STX18: variants seen among roughly 807,000 people sequenced by gnomAD.
STX18 encodes syntaxin-18.
In STX18, 40 loss-of-function variants were observed where a neutral mutation model predicts 50.1. That is an observed-to-expected ratio of 0.80 (90% CI 0.62 to 1.04). STX18 has a LOEUF of 1.04. Ranked by LOEUF, STX18 falls within the 50% of genes least tolerant of loss-of-function variation. The pLI, the probability that STX18 is intolerant of heterozygous loss-of-function variation, is 0.00. For synonymous variants in STX18, 158 were observed against 151.8 expected (o/e 1.04, Z -0.30); for missense variants, 410 against 415.8 (o/e 0.99, Z 0.12).
At chr4:4,441,306 G>A (rs757806882) in intron 5 of STX18, among the ~76,000 whole-genome samples, 2 of 152,140 alleles carry the variant, frequency 1.3e-5, no homozygotes, top group Non-Finnish European at 2.9e-5. Context: ...AAGAGCATGT[G>A]GTATGGGATC....
chr4:4,532,466 A>C (rs1051756083), intron 1 of STX18, among the ~76,000 whole-genome samples: 2 of 151,432 alleles, frequency 1.3e-5, no homozygotes, highest in Non-Finnish European at 3.0e-5. Flanking sequence ...ACAACAACAA[A>C]CCAAAACAAA....
chr4:4,425,225 G>C lies in STX18; in HGVS notation c.703-3C>G, dbSNP rs762830444. 1.9e-6 allele frequency: 3 copies of C among 1,613,714 alleles called. No homozygotes were observed. In the Admixed American group the frequency reaches 5.0e-5, roughly 27 times the overall value. ...AGTCGCTGATTTTCCTGTTCAAACT[G>C]TGAGGAAACAGACACACTCAGGATG... On this transcript the variant is annotated splice_region_variant and splice_polypyrimidine_tract_variant and intron_variant, in intron 7 of 10. Coordinates refer to ENST00000306200, the MANE Select transcript of STX18 (RefSeq NM_016930.4).
intron 2 of STX18, among the ~76,000 whole-genome samples, chr4:4,469,248 C>A (rs1438855152): frequency 6.6e-6 from 1 of 152,082 alleles, no homozygotes; most frequent in African/African-American, 2.4e-5. Context: ...TCCCTATGGT[C>A]TGAGAACTAA....
At chr4:4,522,715 G>A (rs1401000923) in intron 1 of STX18, among the ~76,000 whole-genome samples, 1 of 151,536 alleles carries the variant, frequency 6.6e-6, no homozygotes, top group Non-Finnish European at 1.5e-5. Flanking sequence ...AAGTGTGGAA[G>A]AAACAAAGAA....
chr4:4,501,387 A>G (rs1359426251), intron 1 of STX18, among the ~76,000 whole-genome samples: 1 of 152,142 alleles, frequency 6.6e-6, no homozygotes, highest in Non-Finnish European at 1.5e-5. Flanking sequence ...CCTCTCTCTC[A>G]CTGTCGGTCA....
At chr4:4,461,789 C>A in intron 2 of STX18, 1 of 446,226 alleles carries the variant, frequency 2.2e-6, no homozygotes, top group Non-Finnish European at 4.5e-6. Flanking sequence ...TCTGTGGGAA[C>A]CAACTTCCCC....
chr4:4,448,696 T>C (rs1726571730), intron 5 of STX18, among the ~76,000 whole-genome samples: 1 of 152,200 alleles, frequency 6.6e-6, no homozygotes, highest in Admixed American at 6.5e-5. Flanking sequence ...GAAAATACTA[T>C]CTTTCTCAAA....
At chr4:4,481,286 T>G (rs1477624419) in intron 1 of STX18, among the ~76,000 whole-genome samples, 5 of 152,310 alleles carry the variant, frequency 3.3e-5, no homozygotes, top group Non-Finnish European at 7.4e-5. Context: ...CTTCCCAGGA[T>G]GATAGAAATT....
At chr4:4,501,047 T>A (rs968257963) in intron 1 of STX18, among the ~76,000 whole-genome samples, 1 of 152,032 alleles carries the variant, frequency 6.6e-6, no homozygotes, top group African/African-American at 2.4e-5. Flanking sequence ...TCAAAAAAAA[T>A]AAAGTAAAAT....
chr4:4,482,735 A>G (rs769718979), intron 1 of STX18, among the ~76,000 whole-genome samples: 6 of 151,958 alleles, frequency 3.9e-5, no homozygotes, highest in Non-Finnish European at 7.4e-5. Flanking sequence ...CCATCACTCA[A>G]CTTCTACTCA....
chr4:4,480,635 A>G (rs1301554206), intron 1 of STX18, among the ~76,000 whole-genome samples: 1 of 152,222 alleles, frequency 6.6e-6, no homozygotes, highest in Non-Finnish European at 1.5e-5. Context: ...AATGCTCCAC[A>G]TGGGATTTTC....
rs376202445 is a variant in STX18, at chr4:4,491,866, C to G, written c.169-20160G>C. ...AGTTTTTATGATTGACAAAAGACTT[C>G]TTTTTTTAGCCATTAAAAAACTAAA... On this transcript the variant is annotated intron_variant, in intron 1 of 10. Coordinates refer to ENST00000306200, the MANE Select transcript of STX18 (RefSeq NM_016930.4). Among the ~76,000 whole-genome samples the G allele has an allele frequency of 3.9e-5, 6 of 152,040 alleles. No homozygotes were observed. In the East Asian group the frequency reaches 1.2e-3, roughly 29 times the overall value.
At chr4:4,503,680 T>C (rs920536590) in intron 1 of STX18, among the ~76,000 whole-genome samples, 4 of 152,078 alleles carry the variant, frequency 2.6e-5, no homozygotes, top group African/African-American at 9.7e-5. Flanking sequence ...TTTAAAAATA[T>C]TTCCAAGCAT....
chr4:4,496,532 T>C (rs1449042851), intron 1 of STX18, among the ~76,000 whole-genome samples: 1 of 152,210 alleles, frequency 6.6e-6, no homozygotes, highest in East Asian at 1.9e-4. Context: ...CTACCCTTTC[T>C]AATGCAACAT....
At chr4:4,517,862 C>T (rs2108902011) in intron 1 of STX18, among the ~76,000 whole-genome samples, 1 of 151,830 alleles carries the variant, frequency 6.6e-6, no homozygotes, top group East Asian at 1.9e-4. Flanking sequence ...GCAACCTCCA[C>T]CTCCTGGGTT....
At chr4:4,442,508 T>C (rs750952164) in intron 5 of STX18, among the ~76,000 whole-genome samples, 51 of 152,070 alleles carry the variant, frequency 3.4e-4, no homozygotes, top group Non-Finnish European at 6.6e-4. Context: ...TCCCAGCTAC[T>C]CAGGAGGCTG....
chr4:4,459,062 G>GCGCGCACA (rs71638564), intron 3 of STX18, among the ~76,000 whole-genome samples: 5 of 144,282 alleles, frequency 3.5e-5, no homozygotes, highest in African/African-American at 1.3e-4. Context: ...ACACACACAC[G>GCGCGCACA]CACACACACA....
At chr4:4,432,268 C>T (rs189446928) in intron 7 of STX18, among the ~76,000 whole-genome samples, 6 of 152,328 alleles carry the variant, frequency 3.9e-5, no homozygotes, top group African/African-American at 1.4e-4. Flanking sequence ...AACCACTCAT[C>T]TGGGTGGATA....
chr4:4,484,093 A>T (rs1245792879), intron 1 of STX18, among the ~76,000 whole-genome samples: 2 of 151,942 alleles, frequency 1.3e-5, no homozygotes, highest in African/African-American at 4.8e-5. Flanking sequence ...TGATCTCCTG[A>T]CCTCGTGATC....
Sources: gnomAD v4.1 joint callset for allele counts (sites outside exome capture counted in the v4.1 genomes callset) on GRCh38, gnomAD v4.1.1 for gene constraint, MANE v1.5 for transcripts, NCBI Gene and HGNC (gene_info 2026-07-23, HGNC 2026-07-21) for gene names.